Variants in STON2 observed in about 807,000 individuals in gnomAD.
The protein encoded by STON2 is stonin-2.
A neutral mutation model predicts 65.7 loss-of-function variants in STON2; 29 were observed. The ratio of observed to expected loss-of-function variants is 0.44; its 90% CI spans 0.33 to 0.60. STON2 has a LOEUF of 0.60. Ranked by LOEUF, STON2 falls within the 20% of genes least tolerant of loss-of-function variation. STON2 has a pLI of 0.03. For missense variants in STON2, 1,054 were observed against 1,118.1 expected (o/e 0.94, Z 0.82); for synonymous variants, 404 against 414.2 (o/e 0.98, Z 0.30).
At chr14:81,298,387 G>A (rs1895843083) in intron 5 of STON2, among the ~76,000 whole-genome samples, 1 of 138,174 alleles carries the variant, frequency 7.2e-6, no homozygotes, top group African/African-American at 2.6e-5. Flanking sequence ...TCTAGCTCCA[G>A]GCCTCTAAAG....
intron 6 of STON2, among the ~76,000 whole-genome samples, chr14:81,276,580 CA>C (rs1312855589): frequency 2.6e-5 from 4 of 152,196 alleles, no homozygotes; most frequent in African/African-American, 9.7e-5. Context: ...TCCAGCACCA[CA>C]GCTAATACGT....
chr14:81,411,060 G>A (rs1210349531), intron 2 of STON2, among the ~76,000 whole-genome samples: 3 of 152,176 alleles, frequency 2.0e-5, no homozygotes, highest in Non-Finnish European at 4.4e-5. Flanking sequence ...TGTAAAATTA[G>A]GTTGCCTTTT....
intron 4 of STON2, among the ~76,000 whole-genome samples, chr14:81,336,148 T>C (rs975013739): frequency 5.3e-5 from 8 of 152,030 alleles, no homozygotes; most frequent in African/African-American, 1.9e-4. Flanking sequence ...CAGGTGAAAA[T>C]GAGATTCAAA....
chr14:81,271,281 T>G (rs1026926028), intron 6 of STON2, among the ~76,000 whole-genome samples: 1 of 152,226 alleles, frequency 6.6e-6, no homozygotes, highest in African/African-American at 2.4e-5. Context: ...AATCATTGCT[T>G]TCCTTTGAAG....
At chr14:81,422,383 C>T (rs1473134779) in intron 2 of STON2, among the ~76,000 whole-genome samples, 1 of 152,156 alleles carries the variant, frequency 6.6e-6, no homozygotes, top group African/African-American at 2.4e-5. Flanking sequence ...ACCTGAAGCC[C>T]TCACCAGAAG....
In STON2 at chr14:81,265,151, A is replaced by G. The variant is rs1424786944; in HGVS notation, c.*3263T>C. ...TGCATATCCACAGGTAATTTGCCCAACTGTTTTCTATGTAGGTTATTACAT... is the reference window on the plus strand; with the variant it reads ...TGCATATCCACAGGTAATTTGCCCAGCTGTTTTCTATGTAGGTTATTACAT... On this transcript the variant is annotated 3_prime_UTR_variant, in exon 8 of 8. Coordinates refer to ENST00000614646, the MANE Select transcript of STON2 (RefSeq NM_001394390.1). 2 of 984,972 alleles carry G rather than the reference A, an allele frequency of 2.0e-6. No individual in the cohort carries two copies. Among genetic ancestry groups the G allele is most frequent in the Non-Finnish European group, 2.4e-6 (2 of 829,876 alleles). 61.0% of individuals were successfully genotyped at this position (984,972 alleles called of 1,614,324 possible).
intron 3 of STON2, among the ~76,000 whole-genome samples, chr14:81,389,049 C>G (rs1316441475): frequency 1.3e-5 from 2 of 152,088 alleles, no homozygotes; most frequent in Non-Finnish European, 1.5e-5. Context: ...AAGACAGGTA[C>G]CAAGATAAAC....
intron 2 of STON2, among the ~76,000 whole-genome samples, chr14:81,405,527 T>G (rs1262362534): frequency 2.0e-5 from 3 of 150,414 alleles, no homozygotes; most frequent in Admixed American, 1.3e-4. Context: ...CTAAGGTTTT[T>G]TTTTTTTTTT....
intron 5 of STON2, among the ~76,000 whole-genome samples, chr14:81,292,662 C>T (rs118081810): frequency 1.2e-3 from 178 of 152,300 alleles, no homozygotes; most frequent in South Asian, 7.5e-3. Flanking sequence ...CCCCGCAGAA[C>T]TGTAAGTCAA....
At chr14:81,382,959 T>C (rs1407664934) in intron 3 of STON2, among the ~76,000 whole-genome samples, 2 of 152,212 alleles carry the variant, frequency 1.3e-5, no homozygotes, top group Non-Finnish European at 2.9e-5. Flanking sequence ...GATAAGTTAT[T>C]TTATTCAGGT....
At chr14:81,329,780 G>T (rs543337366) in intron 4 of STON2, among the ~76,000 whole-genome samples, 3 of 152,126 alleles carry the variant, frequency 2.0e-5, no homozygotes, top group African/African-American at 4.8e-5. Flanking sequence ...GAGAGAGAAG[G>T]GGGTGGGGGA....
At chr14:81,393,121 G>T (rs1262058295) in intron 3 of STON2, among the ~76,000 whole-genome samples, 1 of 152,186 alleles carries the variant, frequency 6.6e-6, no homozygotes, top group Non-Finnish European at 1.5e-5. Flanking sequence ...AAGATCCTCA[G>T]TCAGATGGGG....
intron 1 of STON2, among the ~76,000 whole-genome samples, chr14:81,431,754 GCAA>G (rs1264189442): frequency 1.3e-5 from 2 of 150,728 alleles, no homozygotes; most frequent in Admixed American, 6.6e-5. Flanking sequence ...TCTAGGCTAG[GCAA>G]CAACAGCGAA....
intron 4 of STON2, among the ~76,000 whole-genome samples, chr14:81,346,943 G>T (rs1023800489): frequency 6.6e-6 from 1 of 151,862 alleles, no homozygotes; most frequent in African/African-American, 2.4e-5. Flanking sequence ...AACAATAAAC[G>T]TATACATCAA....
At chr14:81,291,566 T>C (rs1895553987) in intron 5 of STON2, among the ~76,000 whole-genome samples, 1 of 152,220 alleles carries the variant, frequency 6.6e-6, no homozygotes, top group East Asian at 1.9e-4. Context: ...ACTTCTATTT[T>C]TGTTCACTTT....
intron 4 of STON2, among the ~76,000 whole-genome samples, chr14:81,367,079 T>C (rs1898769599): frequency 6.6e-6 from 1 of 152,190 alleles, no homozygotes; most frequent in Admixed American, 6.5e-5. Context: ...GCCACAAGCC[T>C]GGTGCCAGGC....
rs1334486553 is a variant in STON2 at position 81,278,616 on chromosome 14, C to T, written c.866G>A (p.Trp289Ter). The T allele has an allele frequency of 3.8e-6, 6 of 1,590,532 alleles. No homozygotes were observed. The South Asian group carries it at 6.9e-5, about 18-fold the overall frequency. The part of the protein sequence containing the change: ...PPVTSARFPS[W>*]VTFDDNEVSC... ...GACTTCATTGTCATCAAAGGTGACCCAGCTGGGAAAACGAGCAGAGGTCAC... is the reference window on the plus strand; with the variant it reads ...GACTTCATTGTCATCAAAGGTGACCTAGCTGGGAAAACGAGCAGAGGTCAC... The change falls in exon 6 of 8, where the codon TGG becomes TAG. Residue 289 changes from tryptophan (W) to a stop codon, truncating the protein, a stop_gained. Transcript: ENST00000614646. LOFTEE classifies it high-confidence loss of function.
In STON2 at chr14:81,413,838, T is replaced by C. The variant is rs551944859; in HGVS notation, c.-199+13264A>G. The stretch of plus-strand genomic sequence containing the variant: ...AATAAACAAACAAATCTGTTGCACA[T>C]GTGAAGAAAACAAAGCTTTCTCACT... On this transcript the variant is annotated intron_variant, in intron 2 of 8. Coordinates refer to the STON2 transcript ENST00000553821. Among the ~76,000 whole-genome samples, 209 of 139,998 alleles carry C rather than the reference T, an allele frequency of 1.5e-3. 25 individuals carry two copies. The highest frequency in any genetic ancestry group is 2.9e-3 in the South Asian group (12 of 4,190). 91.8% of individuals were successfully genotyped at this position (139,998 alleles called of 152,430 possible).
At chr14:81,399,541 T>C (rs924043836) in intron 1 of STON2, among the ~76,000 whole-genome samples, 2 of 152,218 alleles carry the variant, frequency 1.3e-5, no homozygotes, top group East Asian at 1.9e-4. Flanking sequence ...GTAAATAATC[T>C]CTAGGTGGGA....
Sources: gnomAD v4.1 joint callset for allele counts (sites outside exome capture counted in the v4.1 genomes callset) on GRCh38, gnomAD v4.1.1 for gene constraint, MANE v1.5 for transcripts, NCBI Gene and HGNC (gene_info 2026-07-23, HGNC 2026-07-21) for gene names.